Variants in USP25 observed in about 807,000 individuals in gnomAD.
USP25 encodes ubiquitin specific peptidase 25.
USP25 carries 85 observed loss-of-function variants against 158.5 expected under a neutral mutation model. The observed-to-expected ratio is 0.54, with a 90% CI of 0.45 to 0.64. The LOEUF (loss-of-function observed/expected upper bound fraction) is 0.64, where lower values mean the gene tolerates loss of function less well. USP25 is among the 30% of genes least tolerant of loss of function. USP25 has a pLI of 0.00. For missense variants in USP25, 1,242 were observed against 1,327.3 expected, an observed-to-expected ratio of 0.94 and a Z score of 1.00; for synonymous variants, 464 against 460.4, an observed-to-expected ratio of 1.01 and a Z score of -0.10.
At chr21:15,805,071 T>C in intron 6 of USP25, 50 bp from the exon 7 acceptor site, 3 of 1,514,544 alleles carry the variant, frequency 2.0e-6, no homozygotes, top group South Asian at 2.7e-5. Context: ...GTAAAAATTT[T>C]CTTAATCTTC....
At position 15,818,739 on chromosome 21, in the gene USP25, C is replaced by G; in HGVS notation, c.973C>G (p.Leu325Val). 1 of 1,613,466 alleles carries G rather than the reference C, an allele frequency of 6.2e-7. No individual in the cohort carries two copies. Among genetic ancestry groups the G allele is most frequent in the Non-Finnish European group, 8.5e-7 (1 of 1,179,544 alleles). ...CACTGAAATGTTTGGTCAGTACCCA[C>G]TTCAGGTCAATGGGTTCAAAGATCT... Reference protein sequence around the residue: ...ENTEMFGQYPLQVNGFKDLHE... With the variant: ...ENTEMFGQYPVQVNGFKDLHE... The change falls in exon 10 of 26, where the codon CTT (leucine) becomes GTT (valine). Residue 325 changes from leucine to valine, a missense_variant. This residue lies in a region of USP25 where 627 missense variants were observed against 701.4 expected (regional missense o/e 0.89). Transcript: ENST00000400183.
At chr21:15,867,397 C>T (rs544055603) in intron 22 of USP25, among the ~76,000 whole-genome samples, 1 of 151,990 alleles carries the variant, frequency 6.6e-6, no homozygotes, top group East Asian at 1.9e-4. Flanking sequence ...TGATGAAAAC[C>T]TTAGCTAGTT....
At chr21:15,856,616 T>C (rs543027539) in intron 20 of USP25, among the ~76,000 whole-genome samples, 87 of 152,114 alleles carry the variant, frequency 5.7e-4, no homozygotes, top group Admixed American at 2.2e-3. Context: ...GGACTACAGG[T>C]GCCCGCTACC....
At chr21:15,846,960 T>G (rs1175462590) in intron 18 of USP25, among the ~76,000 whole-genome samples, 2 of 152,172 alleles carry the variant, frequency 1.3e-5, no homozygotes, top group African/African-American at 2.4e-5. Context: ...TAAATCTGAT[T>G]GAGTTGTTAA....
At chr21:15,760,190 C>A (rs1481055328) in intron 1 of USP25, among the ~76,000 whole-genome samples, 1 of 152,222 alleles carries the variant, frequency 6.6e-6, no homozygotes, top group East Asian at 1.9e-4. Flanking sequence ...GGCCATGCAA[C>A]TGTGTTGTGC....
intron 20 of USP25, among the ~76,000 whole-genome samples, chr21:15,854,938 AT>A (rs1378415859): frequency 6.6e-6 from 1 of 152,244 alleles, no homozygotes; most frequent in Non-Finnish European, 1.5e-5. Context: ...TCCCCAAATA[AT>A]AGTGGCTTAC....
At chr21:15,745,560 C>T (rs1461527951) in intron 1 of USP25, among the ~76,000 whole-genome samples, 26 of 150,196 alleles carry the variant, frequency 1.7e-4, no homozygotes, top group African/African-American at 4.9e-4. Context: ...CTGCAGCCTC[C>T]GCCTCCCTGG....
chr21:15,831,482 C>A lies in USP25; in HGVS notation c.1846C>A (p.Arg616Ser), dbSNP rs751819809. 6.2e-7 allele frequency: 1 copy of A among 1,613,970 alleles called. No individual in the cohort carries two copies. Among genetic ancestry groups the A allele is most frequent in the Non-Finnish European group, 8.5e-7 (1 of 1,179,962 alleles). Residue 616 changes from arginine (R) to serine (S), a missense_variant, in exon 16 of 26, where the codon CGT (arginine) becomes AGT (serine). By Grantham distance (110) the Arg-to-Ser change is moderately radical. Around this residue, in one of 3 missense-constraint regions of USP25, gnomAD observed 608 missense variants for 605.2 expected, o/e 1.00. Coordinates refer to ENST00000400183, the MANE Select transcript of USP25 (RefSeq NM_001283041.3). ...CTACTGGGCATATATTTTTGATCATCGTGAAAGCAGATGGATGAAGTACAA... is the reference window on the plus strand; with the variant it reads ...CTACTGGGCATATATTTTTGATCATAGTGAAAGCAGATGGATGAAGTACAA... ...GHYWAYIFDHRESRWMKYNDI... is the reference protein window; with the variant it reads ...GHYWAYIFDHSESRWMKYNDI...
At chr21:15,734,818 T>C (rs2031327559) in intron 1 of USP25, among the ~76,000 whole-genome samples, 1 of 152,156 alleles carries the variant, frequency 6.6e-6, no homozygotes, top group South Asian at 2.1e-4. Flanking sequence ...GTCTTTTTCT[T>C]TGCAGTGAAT....
intron 20 of USP25, 37 bp from the exon 21 acceptor site, chr21:15,864,231 A>G (rs907939438): frequency 6.3e-6 from 10 of 1,581,798 alleles, no homozygotes; most frequent in Non-Finnish European, 8.5e-6. Flanking sequence ...GTGTTCAAAT[A>G]ATTAACCAAA....
intron 6 of USP25, among the ~76,000 whole-genome samples, chr21:15,800,360 G>A (rs1263440860): frequency 6.6e-6 from 1 of 151,092 alleles, no homozygotes; most frequent in African/African-American, 2.4e-5. Flanking sequence ...CCTAGAGCTG[G>A]TTACTTGATT....
intron 3 of USP25, among the ~76,000 whole-genome samples, chr21:15,768,168 G>A (rs144631600): frequency 6.6e-6 from 1 of 152,070 alleles, no homozygotes; most frequent in Non-Finnish European, 1.5e-5. Context: ...GTCATATTGA[G>A]TAAATTGCTT....
At chr21:15,732,512 A>G (rs2031021611) in intron 1 of USP25, among the ~76,000 whole-genome samples, 1 of 152,202 alleles carries the variant, frequency 6.6e-6, no homozygotes, top group African/African-American at 2.4e-5. Flanking sequence ...CACTTAGAAG[A>G]AACAAAAGTG....
chr21:15,867,725 T>C (rs1016821519), intron 22 of USP25, among the ~76,000 whole-genome samples: 1 of 151,960 alleles, frequency 6.6e-6, no homozygotes, highest in Non-Finnish European at 1.5e-5. Flanking sequence ...GTAAAAAAAG[T>C]ATGAGAAAGT....
rs570089105 is a variant in USP25, at chr21:15,731,043, A to G, written c.45+605A>G. ...CCTAAGAGAGGAAACCTTTCTGGCCATGTTATTCCAGGAATCTTTTGTCCC... is the reference window on the plus strand; with the variant it reads ...CCTAAGAGAGGAAACCTTTCTGGCCGTGTTATTCCAGGAATCTTTTGTCCC... On this transcript the variant is annotated intron_variant, in intron 1 of 25. Transcript: ENST00000400183. Among the ~76,000 whole-genome samples, 36 of 114,518 alleles carry G rather than the reference A, an allele frequency of 3.1e-4. 1 individual carries two copies. The highest frequency in any genetic ancestry group is 1.1e-3 in the African/African-American group (31 of 29,340). 75.1% of individuals were successfully genotyped at this position (114,518 alleles called of 152,430 possible).
intron 1 of USP25, among the ~76,000 whole-genome samples, chr21:15,754,481 T>G (rs896369702): frequency 6.6e-6 from 1 of 152,250 alleles, no homozygotes; most frequent in Non-Finnish European, 1.5e-5. Context: ...CACGTGCTTC[T>G]GAAGTTTAAG....
chr21:15,827,793 T>TGG (rs2037596698), intron 14 of USP25, among the ~76,000 whole-genome samples: 1 of 151,378 alleles, frequency 6.6e-6, no homozygotes, highest in South Asian at 2.1e-4. Flanking sequence ...TGTGTGTGTG[T>TGG]GTGTGTGTGT....
chr21:15,730,257 C>T lies in USP25; in HGVS notation c.-137C>T, dbSNP rs1305915243. The T allele has an allele frequency of 2.1e-6, 2 of 932,636 alleles. No homozygotes were observed. Among genetic ancestry groups the T allele is most frequent in the Non-Finnish European group, 2.6e-6 (2 of 782,090 alleles). The allele number at this position is 932,636 out of a possible 1,614,324, so 57.8% of individuals were successfully genotyped here. ...CACGCCGGCCGCCATCGCCTTCGCG[C>T]CTGGCTGGCGGGGGCGCTGTCCTCC... On this transcript the variant is annotated 5_prime_UTR_variant, in exon 1 of 26. Transcript: ENST00000400183.
intron 7 of USP25, among the ~76,000 whole-genome samples, chr21:15,807,860 C>A (rs2036470692): frequency 6.6e-6 from 1 of 152,152 alleles, no homozygotes; most frequent in Admixed American, 6.5e-5. Flanking sequence ...TACTATTCAA[C>A]CCGCCACAGA....
Sources: allele counts gnomAD v4.1 joint callset (sites outside exome capture counted in the v4.1 genomes callset), GRCh38; gene constraint gnomAD v4.1.1; regional missense constraint gnomAD v4.1.1; transcripts MANE v1.5; gene names NCBI Gene and HGNC (gene_info 2026-07-23, HGNC 2026-07-21).